The following KCNIP4 variants were observed in gnomAD, a reference collection of about 807,000 sequenced individuals.
KCNIP4 encodes Kv channel-interacting protein 4.
KCNIP4 carries 12 observed loss-of-function variants against 34.0 expected under a neutral mutation model. The ratio of observed to expected loss-of-function variants is 0.35; its 90% CI spans 0.23 to 0.57. KCNIP4 has a LOEUF of 0.57. Ranked by LOEUF, KCNIP4 falls within the 20% of genes least tolerant of loss-of-function variation. The pLI is 0.83. For synonymous variants in KCNIP4, 124 were observed against 102.2 expected (o/e 1.21, Z -1.29); for missense variants, 238 against 311.7 (o/e 0.76, Z 1.78).
chr4:21,038,238 G>A (rs1331517962), intron 1 of KCNIP4, among the ~76,000 whole-genome samples: 2 of 152,092 alleles, frequency 1.3e-5, no homozygotes, highest in Non-Finnish European at 2.9e-5. Flanking sequence ...GCCTCCTAAA[G>A]TGCTGGGATT....
At chr4:21,721,233 T>G (rs1009184231) in intron 1 of KCNIP4, among the ~76,000 whole-genome samples, 2 of 152,178 alleles carry the variant, frequency 1.3e-5, no homozygotes, top group African/African-American at 4.8e-5. Context: ...GGATTTCCAC[T>G]CTAATGCTGC....
At chr4:21,339,486 C>A (rs939433726) in intron 1 of KCNIP4, among the ~76,000 whole-genome samples, 15 of 152,114 alleles carry the variant, frequency 9.9e-5, no homozygotes, top group Admixed American at 9.2e-4. Flanking sequence ...TACAACCATA[C>A]CTTAAGAGAC....
intron 1 of KCNIP4, among the ~76,000 whole-genome samples, chr4:21,205,640 C>T (rs746429425): frequency 6.6e-6 from 1 of 152,164 alleles, no homozygotes; most frequent in Non-Finnish European, 1.5e-5. Context: ...ATACTAACTC[C>T]TTTGTTATAT....
At chr4:21,699,819 A>G (rs1370360165) in intron 1 of KCNIP4, among the ~76,000 whole-genome samples, 1 of 152,106 alleles carries the variant, frequency 6.6e-6, no homozygotes, top group Non-Finnish European at 1.5e-5. Context: ...TCTAGGGAAT[A>G]GGGGACTTGT....
At chr4:21,753,924 T>C (rs1262973153) in intron 1 of KCNIP4, among the ~76,000 whole-genome samples, 1 of 152,022 alleles carries the variant, frequency 6.6e-6, no homozygotes. Context: ...GACCCCCTCC[T>C]CCTACTATCC....
intron 1 of KCNIP4, among the ~76,000 whole-genome samples, chr4:21,553,314 C>T (rs189301808): frequency 3.9e-5 from 6 of 152,244 alleles, no homozygotes; most frequent in Admixed American, 3.9e-4. Flanking sequence ...AAATTGAAAT[C>T]AATGACAGCA....
chr4:21,192,947 T>A (rs1182499860), intron 1 of KCNIP4, among the ~76,000 whole-genome samples: 1 of 145,626 alleles, frequency 6.9e-6, no homozygotes, highest in Admixed American at 7.0e-5. Flanking sequence ...CTACTACTAC[T>A]ACTACTAATA....
At chr4:21,276,606 A>G (rs1187464379) in intron 1 of KCNIP4, among the ~76,000 whole-genome samples, 1 of 152,094 alleles carries the variant, frequency 6.6e-6, no homozygotes, top group East Asian at 1.9e-4. Flanking sequence ...ACCCTGGTCT[A>G]TGTGTCTTAC....
intron 1 of KCNIP4, among the ~76,000 whole-genome samples, chr4:21,012,840 T>C (rs1174686742): frequency 1.3e-5 from 2 of 152,212 alleles, no homozygotes; most frequent in Non-Finnish European, 2.9e-5. Flanking sequence ...GGTGATGGGA[T>C]AATGACCAGT....
chr4:21,816,643 A>T (rs1037179213), intron 1 of KCNIP4, among the ~76,000 whole-genome samples: 3 of 152,016 alleles, frequency 2.0e-5, no homozygotes, highest in Non-Finnish European at 4.4e-5. Flanking sequence ...CTATTTTCTC[A>T]TCTTCCTGCC....
chr4:21,051,826 A>C (rs188887351), intron 1 of KCNIP4, among the ~76,000 whole-genome samples: 3 of 152,330 alleles, frequency 2.0e-5, no homozygotes, highest in Admixed American at 6.5e-5. Flanking sequence ...GGTTTGAAAA[A>C]GGTACACACA....
At chr4:21,837,532 C>CAAAAAAAAAAAAAAAAAAAAAAA in intron 1 of KCNIP4, among the ~76,000 whole-genome samples, 33 of 78,396 alleles carry the variant, frequency 4.2e-4, no homozygotes, top group African/African-American at 7.9e-4. Flanking sequence ...AAAACGCTGT[C>CAAAAAAAAAAAAAAAAAAAAAAA]AAAAAAAAAA....
intron 1 of KCNIP4, among the ~76,000 whole-genome samples, chr4:21,191,525 C>A (rs1755647001): frequency 6.6e-6 from 1 of 152,160 alleles, no homozygotes; most frequent in South Asian, 2.1e-4. Context: ...GGATGATGCG[C>A]CCTAGTGCTG....
At chr4:21,154,615 A>G (rs1368276299) in intron 1 of KCNIP4, among the ~76,000 whole-genome samples, 2 of 152,224 alleles carry the variant, frequency 1.3e-5, no homozygotes, top group Non-Finnish European at 2.9e-5. Context: ...TGTTTATAAT[A>G]AACCACCATT....
chr4:21,837,705 G>GA, intron 1 of KCNIP4, among the ~76,000 whole-genome samples: 1 of 3,652 alleles, frequency 2.7e-4, no homozygotes, highest in Middle Eastern at 0.062. Flanking sequence ...GTAAGTCCAT[G>GA]AAGTTGTTCA....
At chr4:21,051,131 G>A (rs1365378989) in intron 1 of KCNIP4, among the ~76,000 whole-genome samples, 1 of 152,190 alleles carries the variant, frequency 6.6e-6, no homozygotes, top group Non-Finnish European at 1.5e-5. Flanking sequence ...TTTATTCATG[G>A]TTGTTCCTCT....
intron 2 of KCNIP4, among the ~76,000 whole-genome samples, chr4:20,873,296 G>A (rs1190762084): frequency 6.6e-6 from 1 of 152,148 alleles, no homozygotes; most frequent in African/African-American, 2.4e-5. Context: ...TCTCTTTTCA[G>A]TGGAGGTTGT....
chr4:20,851,881 G>C (rs73242526), intron 2 of KCNIP4, among the ~76,000 whole-genome samples: 1 of 151,980 alleles, frequency 6.6e-6, no homozygotes, highest in Non-Finnish European at 1.5e-5. Flanking sequence ...GGATTCCAAT[G>C]AAATCAGATA....
intron 1 of KCNIP4, among the ~76,000 whole-genome samples, chr4:21,180,268 A>G (rs1348410918): frequency 6.6e-6 from 1 of 152,218 alleles, no homozygotes; most frequent in Non-Finnish European, 1.5e-5. Flanking sequence ...GATTAATAAC[A>G]TGAATCAAGC....
Sources: allele counts gnomAD v4.1 joint callset (sites outside exome capture counted in the v4.1 genomes callset), GRCh38; gene constraint gnomAD v4.1.1; transcripts MANE v1.5; gene names NCBI Gene and HGNC (gene_info 2026-07-23, HGNC 2026-07-21).